Variants in SPMIP7 observed in about 807,000 individuals in gnomAD.
The protein encoded by SPMIP7 is protein SPMIP7.
chr7:50,147,099 T>C, the SPMIP7 span, among the ~76,000 whole-genome samples: 1 of 152,362 alleles, frequency 6.6e-6, no homozygotes, highest in African/African-American at 2.4e-5. Flanking sequence ...TCTTTAAACA[T>C]TTAAATGTGC....
the SPMIP7 span, chr7:50,104,228 A>G: frequency 1.8e-6 from 1 of 545,682 alleles, no homozygotes; most frequent in South Asian, 3.1e-5. Flanking sequence ...CACACAGTCT[A>G]GCTTCTAATA....
chr7:50,133,996 G>A, the SPMIP7 span: 1 of 917,616 alleles, frequency 1.1e-6, no homozygotes, highest in Non-Finnish European at 1.6e-6. Context: ...ACACCAAGGG[G>A]CAGGGATCCT....
chr7:50,113,256 C>G, the SPMIP7 span, among the ~76,000 whole-genome samples: 2 of 152,116 alleles, frequency 1.3e-5, no homozygotes, highest in Admixed American at 1.3e-4. Flanking sequence ...CAACTTCCAG[C>G]AACCAACCAA....
At chr7:50,100,812 A>AAAATAAATAAATAAATAAATAAATAAAT in the SPMIP7 span, among the ~76,000 whole-genome samples, 131 of 139,324 alleles carry the variant, frequency 9.4e-4, no homozygotes, top group Admixed American at 1.7e-3. Flanking sequence ...ATGCCGTCCA[A>AAAATAAATAAATAAATAAATAAATAAAT]AAATAAATAA....
the SPMIP7 span, among the ~76,000 whole-genome samples, chr7:50,098,848 C>A: frequency 6.7e-6 from 1 of 148,696 alleles, no homozygotes; most frequent in Non-Finnish European, 1.5e-5. Flanking sequence ...TGGGGGGATA[C>A]AGACATTCAC....
the SPMIP7 span, among the ~76,000 whole-genome samples, chr7:50,154,650 G>A: frequency 6.6e-6 from 1 of 152,110 alleles, no homozygotes; most frequent in South Asian, 2.1e-4. Flanking sequence ...TCCATATCTT[G>A]GCTATTGTGA....
At chr7:50,106,846 G>A in the SPMIP7 span, among the ~76,000 whole-genome samples, 1 of 152,216 alleles carries the variant, frequency 6.6e-6, no homozygotes, top group Non-Finnish European at 1.5e-5. Context: ...TCTCACACCT[G>A]TAATCTTAGC....
At chr7:50,118,223 G>A in the SPMIP7 span, among the ~76,000 whole-genome samples, 826 of 152,170 alleles carry the variant, frequency 5.4e-3, 29 homozygotes, top group South Asian at 0.089. Context: ...CTCTCAGATG[G>A]GTGCCTAATA....
the SPMIP7 span, chr7:50,151,427 C>G: frequency 4.6e-4 from 682 of 1,477,540 alleles, no homozygotes; most frequent in Middle Eastern, 8.6e-4. Flanking sequence ...CTCTTTTCCT[C>G]CTCTCTTAAC....
the SPMIP7 span, among the ~76,000 whole-genome samples, chr7:50,115,671 A>G: frequency 6.6e-6 from 1 of 152,238 alleles, no homozygotes; most frequent in Non-Finnish European, 1.5e-5. Flanking sequence ...AATGGTTAAT[A>G]CATCATTATA....
At chr7:50,143,985 C>A in the SPMIP7 span, among the ~76,000 whole-genome samples, 1 of 152,060 alleles carries the variant, frequency 6.6e-6, no homozygotes, top group African/African-American at 2.4e-5. Context: ...AAATTGTTTC[C>A]ATATTCTTTA....
At chr7:50,099,020 G>A in the SPMIP7 span, among the ~76,000 whole-genome samples, 1 of 152,112 alleles carries the variant, frequency 6.6e-6, no homozygotes, top group Non-Finnish European at 1.5e-5. Flanking sequence ...TGAACTCCTG[G>A]CAACAACCGT....
chr7:50,146,531 C>A, the SPMIP7 span, among the ~76,000 whole-genome samples: 1 of 152,226 alleles, frequency 6.6e-6, no homozygotes, highest in Non-Finnish European at 1.5e-5. Flanking sequence ...TAAAAAATAT[C>A]TTGTGGCCAC....
the SPMIP7 span, among the ~76,000 whole-genome samples, chr7:50,126,283 A>C: frequency 6.6e-6 from 1 of 152,054 alleles, no homozygotes; most frequent in East Asian, 1.9e-4. Context: ...GTGCCAATTA[A>C]TTTGGCACTT....
the SPMIP7 span, among the ~76,000 whole-genome samples, chr7:50,146,765 T>C: frequency 6.6e-6 from 1 of 152,196 alleles, no homozygotes; most frequent in East Asian, 1.9e-4. Context: ...AAGCCTGGAA[T>C]TTACTACTCT....
chr7:50,129,075 C>T, the SPMIP7 span, among the ~76,000 whole-genome samples: 1 of 151,864 alleles, frequency 6.6e-6, no homozygotes, highest in Non-Finnish European at 1.5e-5. Flanking sequence ...AACTCTGAAC[C>T]CAAGTTAGAA....
chr7:50,129,248 T>C, the SPMIP7 span, among the ~76,000 whole-genome samples: 1 of 151,908 alleles, frequency 6.6e-6, no homozygotes, highest in African/African-American at 2.4e-5. Flanking sequence ...AACAAATTGG[T>C]AAAATATCAT....
chr7:50,141,727 C>CTTTT, the SPMIP7 span: 12 of 76,946 alleles, frequency 1.6e-4, 1 homozygote, highest in Admixed American at 2.0e-4. Context: ...AGAGGAATCA[C>CTTTT]TTTTTTTTTT....
the SPMIP7 span, among the ~76,000 whole-genome samples, chr7:50,103,091 C>T: frequency 1.3e-5 from 2 of 148,416 alleles, no homozygotes; most frequent in South Asian, 2.1e-4. Flanking sequence ...AGATAGGTGG[C>T]ATCTGTGATA....
Sources: allele counts gnomAD v4.1 joint callset (sites outside exome capture counted in the v4.1 genomes callset), GRCh38; gene constraint gnomAD v4.1.1; transcripts MANE v1.5; gene names NCBI Gene and HGNC (gene_info 2026-07-23, HGNC 2026-07-21).